The following BMPER variants were observed in gnomAD, a reference collection of about 807,000 sequenced individuals.
BMPER encodes BMP binding endothelial regulator.
Under a neutral mutation model 87.3 loss-of-function variants are expected in BMPER, and 45 were observed. The observed-to-expected ratio is 0.52, with a 90% confidence interval of 0.41 to 0.66. The LOEUF (loss-of-function observed/expected upper bound fraction) is 0.66, where lower values mean the gene tolerates loss of function less well. Ranked by LOEUF, BMPER falls within the 30% of genes least tolerant of loss-of-function variation. BMPER has a pLI of 0.00. For missense variants in BMPER, 784 were observed against 867.5 expected (o/e 0.90, Z 1.21); for synonymous variants, 326 against 316.2 (o/e 1.03, Z -0.33).
intron 13 of BMPER, among the ~76,000 whole-genome samples, chr7:34,104,538 C>T (rs1317518685): frequency 1.3e-5 from 2 of 152,180 alleles, no homozygotes; most frequent in Middle Eastern, 3.2e-3. Context: ...TTGTACACCT[C>T]TCCTTTTAGG....
chr7:33,908,581 G>C (rs1198014444), intron 2 of BMPER, among the ~76,000 whole-genome samples: 1 of 152,190 alleles, frequency 6.6e-6, no homozygotes. Flanking sequence ...AGATGCATCA[G>C]TTGGAATTCA....
chr7:34,023,532 C>T (rs1400868095), intron 6 of BMPER, among the ~76,000 whole-genome samples: 2 of 152,034 alleles, frequency 1.3e-5, no homozygotes, highest in African/African-American at 4.8e-5. Context: ...ATGTTTCTGT[C>T]TTTGCTGTCC....
At chr7:34,019,328 C>A (rs958056446) in intron 6 of BMPER, among the ~76,000 whole-genome samples, 6 of 152,030 alleles carry the variant, frequency 3.9e-5, no homozygotes, top group Admixed American at 6.6e-5. Flanking sequence ...AGGCTAGGAG[C>A]CATTCTCTCG....
chr7:34,108,904 C>T (rs1284230705), intron 13 of BMPER, among the ~76,000 whole-genome samples: 1 of 152,114 alleles, frequency 6.6e-6, no homozygotes, highest in Non-Finnish European at 1.5e-5. Context: ...TCTAAGCCTA[C>T]AATATTTCTT....
chr7:33,969,895 C>T (rs1785495437), intron 4 of BMPER, among the ~76,000 whole-genome samples: 3 of 152,114 alleles, frequency 2.0e-5, no homozygotes, highest in South Asian at 2.1e-4. Flanking sequence ...TTAGGATCTC[C>T]AGGTGCTAGT....
chr7:33,953,609 C>T (rs1179937489), intron 3 of BMPER, among the ~76,000 whole-genome samples: 3 of 152,168 alleles, frequency 2.0e-5, no homozygotes, highest in Non-Finnish European at 4.4e-5. Flanking sequence ...ATGAGTGAGG[C>T]CCAGGCAACT....
At chr7:33,946,421 G>C (rs916451030) in intron 3 of BMPER, among the ~76,000 whole-genome samples, 1 of 152,146 alleles carries the variant, frequency 6.6e-6, no homozygotes, top group Non-Finnish European at 1.5e-5. Context: ...AGAGCAATGC[G>C]TTTTTATGAA....
intron 2 of BMPER, among the ~76,000 whole-genome samples, chr7:33,914,574 T>C (rs1421977868): frequency 6.6e-6 from 1 of 152,184 alleles, no homozygotes; most frequent in Non-Finnish European, 1.5e-5. Context: ...TGTAGGCTCT[T>C]AAAAGATCGT....
chr7:34,142,495 A>C (rs1294893856), intron 13 of BMPER, among the ~76,000 whole-genome samples: 5 of 152,138 alleles, frequency 3.3e-5, no homozygotes, highest in African/African-American at 7.2e-5. Context: ...GTTAGTTTGC[A>C]TTTCCGTTCA....
chr7:34,134,695 C>T (rs112519425), intron 13 of BMPER, among the ~76,000 whole-genome samples: 57 of 152,254 alleles, frequency 3.7e-4, no homozygotes, highest in African/African-American at 1.3e-3. Flanking sequence ...CACATCCCTT[C>T]CCCGTTATTA....
intron 7 of BMPER, among the ~76,000 whole-genome samples, chr7:34,046,923 T>TTTA (rs750779331): frequency 1.5e-4 from 17 of 112,002 alleles, no homozygotes; most frequent in Non-Finnish European, 2.4e-4. Flanking sequence ...TGCTAGGCAC[T>TTTA]TTATTTTTTT....
intron 7 of BMPER, among the ~76,000 whole-genome samples, chr7:34,047,841 T>TCCTTCCTCCCTTCCTTCC (rs1359199300): frequency 6.8e-6 from 1 of 146,150 alleles, no homozygotes; most frequent in Non-Finnish European, 1.5e-5. Flanking sequence ...CTTGCTTTCT[T>TCCTTCCTCCCTTCCTTCC]TCTCTTTCTA....
intron 3 of BMPER, among the ~76,000 whole-genome samples, chr7:33,944,717 A>G (rs1784842310): frequency 6.6e-6 from 1 of 152,070 alleles, no homozygotes; most frequent in African/African-American, 2.4e-5. Context: ...CGTTTATTCT[A>G]TGTGTACTTA....
chr7:34,047,153 G>A (rs1223953451), intron 7 of BMPER, among the ~76,000 whole-genome samples: 1 of 152,158 alleles, frequency 6.6e-6, no homozygotes, highest in Non-Finnish European at 1.5e-5. Flanking sequence ...CTTCCCTGGT[G>A]TCACAAGAGG....
intron 13 of BMPER, among the ~76,000 whole-genome samples, chr7:34,093,327 G>A (rs1042854637): frequency 2.0e-5 from 3 of 152,166 alleles, no homozygotes; most frequent in South Asian, 2.1e-4. Flanking sequence ...ATTGGAACCC[G>A]ATCGCATGCC....
intron 6 of BMPER, among the ~76,000 whole-genome samples, chr7:34,042,435 C>G (rs892830607): frequency 3.3e-5 from 5 of 152,156 alleles, no homozygotes; most frequent in Admixed American, 6.5e-5. Context: ...AAACATTTAA[C>G]AAATACATGA....
rs927958978 is a variant in BMPER at position 34,113,578 on chromosome 7, T to G, written c.1745+27486T>G. Among the ~76,000 whole-genome samples, 3 of 151,468 alleles carry G rather than the reference T, an allele frequency of 2.0e-5. No homozygotes were observed. The East Asian group carries it at 5.8e-4, about 29-fold the overall frequency. ...TTCAGTACACAGGAGCAAATGTCCA[T>G]GCAGTTTTACAAATTTTATAATAAA... On this transcript the variant is annotated intron_variant, in intron 13 of 14. Coordinates refer to ENST00000649409, the MANE Select transcript of BMPER (RefSeq NM_001365308.1).
chr7:34,016,701 G>A (rs1016141733), intron 6 of BMPER, among the ~76,000 whole-genome samples: 1 of 151,920 alleles, frequency 6.6e-6, no homozygotes, highest in African/African-American at 2.4e-5. Flanking sequence ...AACCACTGTG[G>A]TTCCTAATTT....
At chr7:33,964,350 CTATT>C (rs773861394) in intron 3 of BMPER, among the ~76,000 whole-genome samples, 3 of 152,066 alleles carry the variant, frequency 2.0e-5, no homozygotes, top group Non-Finnish European at 2.9e-5. Context: ...GTTTTGGAGT[CTATT>C]TAGTCAGTCA....
Sources: allele counts gnomAD v4.1 joint callset (sites outside exome capture counted in the v4.1 genomes callset), GRCh38; gene constraint gnomAD v4.1.1; transcripts MANE v1.5; gene names NCBI Gene and HGNC (gene_info 2026-07-23, HGNC 2026-07-21).